WBP2NL: variants seen among roughly 807,000 people sequenced by gnomAD.
The protein encoded by WBP2NL is WBP2 N-terminal like.
WBP2NL carries 27 observed loss-of-function variants against 23.3 expected under a neutral mutation model. The observed-to-expected ratio is 1.16, with a 90% CI of 0.85 to 1.60. The LOEUF (loss-of-function observed/expected upper bound fraction) is 1.60, where lower values mean the gene tolerates loss of function less well. WBP2NL is among the 40% of genes most tolerant of loss of function. The probability of loss-of-function intolerance (pLI) is 0.00; values close to 1 mark genes in which losing one functional copy is unlikely to be tolerated. For synonymous variants in WBP2NL, 151 were observed against 145.9 expected (o/e 1.03, Z -0.25); for missense variants, 370 against 389.5 (o/e 0.95, Z 0.42).
intron 1 of WBP2NL, among the ~76,000 whole-genome samples, chr22:42,015,547 C>T (rs1408769172): frequency 6.6e-6 from 1 of 151,962 alleles, no homozygotes; most frequent in Non-Finnish European, 1.5e-5. Flanking sequence ...GGATTATAGG[C>T]GCCCACCACT....
chr22:42,023,354 G>T (rs1490855725), intron 5 of WBP2NL, among the ~76,000 whole-genome samples: 1 of 151,968 alleles, frequency 6.6e-6, no homozygotes, highest in South Asian at 2.1e-4. Context: ...CACCATGCCC[G>T]GCTAATTTTT....
At chr22:42,038,318 A>C (rs367602697) in intron 8 of WBP2NL, among the ~76,000 whole-genome samples, 2 of 152,166 alleles carry the variant, frequency 1.3e-5, no homozygotes, top group East Asian at 1.9e-4. Flanking sequence ...TATCCTATGG[A>C]TAAATCCCAC....
At chr22:42,048,640 C>T (rs1925692817) in intron 8 of WBP2NL, among the ~76,000 whole-genome samples, 2 of 151,408 alleles carry the variant, frequency 1.3e-5, no homozygotes, top group South Asian at 2.1e-4. Context: ...CCTGTGGTCC[C>T]AGCTACTCTG....
chr22:42,019,567 G>A, intron 2 of WBP2NL, 95 bp from the exon 3 acceptor site: 1 of 1,554,660 alleles, frequency 6.4e-7, no homozygotes, highest in South Asian at 1.2e-5. Context: ...AAAAGATGAT[G>A]TTTCTCAGTT....
chr22:42,020,874 A>G (rs746484364), intron 4 of WBP2NL, among the ~76,000 whole-genome samples: 94 of 15,458 alleles, frequency 6.1e-3, no homozygotes, highest in South Asian at 0.02. Context: ...GTGTGTATAT[A>G]TATATATATA....
intron 8 of WBP2NL, among the ~76,000 whole-genome samples, chr22:42,045,255 G>T (rs931137126): frequency 1.3e-5 from 2 of 152,034 alleles, no homozygotes; most frequent in African/African-American, 4.8e-5. Context: ...TGGCCAACAT[G>T]GTGAAACCCC....
chr22:42,049,932 G>C (rs1234390367), intron 8 of WBP2NL, among the ~76,000 whole-genome samples: 1 of 137,914 alleles, frequency 7.3e-6, no homozygotes, highest in Non-Finnish European at 1.5e-5. Flanking sequence ...AGCCAAGATT[G>C]TGCCATAGCA....
chr22:41,999,096 G>A (rs538152859), intron 1 of WBP2NL, among the ~76,000 whole-genome samples: 2 of 152,076 alleles, frequency 1.3e-5, no homozygotes, highest in South Asian at 4.1e-4. Context: ...GCGCGTTTGA[G>A]GGGTGGGGGT....
At chr22:42,029,672 T>G (rs895747995), downstream of WBP2NL, among the ~76,000 whole-genome samples, 2 of 152,214 alleles carry the variant, frequency 1.3e-5, no homozygotes, top group Non-Finnish European at 2.9e-5. Flanking sequence ...GCGCCTGGCC[T>G]TCTATGCATA....
intron 8 of WBP2NL, among the ~76,000 whole-genome samples, chr22:42,039,986 A>G (rs1925341896): frequency 6.7e-6 from 1 of 150,082 alleles, no homozygotes; most frequent in Non-Finnish European, 1.5e-5. Context: ...ACCTCAGCTC[A>G]CTGCAACCTC....
At chr22:42,004,369 G>A (rs1053682340) in intron 1 of WBP2NL, among the ~76,000 whole-genome samples, 1 of 152,128 alleles carries the variant, frequency 6.6e-6, no homozygotes, top group Non-Finnish European at 1.5e-5. Context: ...TGAGGTCGGT[G>A]GATCACTTGA....
chr22:42,029,617 C>A (rs904218153), downstream of WBP2NL, among the ~76,000 whole-genome samples: 5 of 152,198 alleles, frequency 3.3e-5, no homozygotes, highest in African/African-American at 1.2e-4. Flanking sequence ...AGCAATCCTC[C>A]TGTCTCAGCC....
intron 1 of WBP2NL, 148 bp downstream of exon 1, chr22:41,999,028 G>A (rs1259716860): frequency 9.3e-6 from 9 of 969,966 alleles, no homozygotes; most frequent in Non-Finnish European, 1.1e-5. Context: ...TTGGGAGCGC[G>A]CGCCCCTCAC....
At chr22:42,052,801 C>T (rs1042492187) in intron 8 of WBP2NL, among the ~76,000 whole-genome samples, 7 of 152,210 alleles carry the variant, frequency 4.6e-5, no homozygotes, top group African/African-American at 1.7e-4. Context: ...CACCCCTGTC[C>T]CAGCCTCCCT....
chr22:42,029,528 T>C (rs184605354), downstream of WBP2NL, among the ~76,000 whole-genome samples: 2 of 152,176 alleles, frequency 1.3e-5, no homozygotes, highest in East Asian at 3.9e-4. Context: ...GGTAAAACCA[T>C]GCCCAGCTAA....
downstream of WBP2NL, among the ~76,000 whole-genome samples, chr22:42,033,751 G>A (rs1015814502): frequency 6.6e-6 from 1 of 152,182 alleles, no homozygotes; most frequent in African/African-American, 2.4e-5. Context: ...GTCCTGGAAT[G>A]GGTAGCTCCT....
Position 42,022,363 on chromosome 22 carries a change from T to C in WBP2NL, c.514+7T>C. 6.2e-7 allele frequency: 1 copy of C among 1,602,748 alleles called. No homozygotes were observed. Among genetic ancestry groups the C allele is most frequent in the East Asian group, 2.2e-5 (1 of 44,634 alleles). On this transcript the variant is annotated splice_region_variant and intron_variant, in intron 5 of 5. Transcript: ENST00000328823. ...CCACAGATGCCTTGTTCAGGTAAGG[T>C]ATGGCAGAGAGGTTCTTCCTGGAAG...
At chr22:42,032,957 T>C (rs1278441463), downstream of WBP2NL, 3 of 184,304 alleles carry the variant, frequency 1.6e-5, no homozygotes, top group Non-Finnish European at 3.6e-5. Flanking sequence ...GGGGTGTCAC[T>C]TTTCTGGCCA....
At chr22:42,012,863 G>A (rs769410531) in intron 1 of WBP2NL, among the ~76,000 whole-genome samples, 21 of 151,492 alleles carry the variant, frequency 1.4e-4, no homozygotes, top group Non-Finnish European at 2.1e-4. Context: ...GTGGTGGCAC[G>A]CACCTGTAGT....
Sources: allele counts gnomAD v4.1 joint callset (sites outside exome capture counted in the v4.1 genomes callset), GRCh38; gene constraint gnomAD v4.1.1; transcripts MANE v1.5; gene names NCBI Gene and HGNC (gene_info 2026-07-23, HGNC 2026-07-21).